The following CAP2 variants were observed in gnomAD, a reference collection of about 807,000 sequenced individuals.
The protein encoded by CAP2 is cyclase associated actin cytoskeleton regulatory protein 2.
Under a neutral mutation model 57.7 loss-of-function variants are expected in CAP2, and 24 were observed. The ratio of observed to expected loss-of-function variants is 0.42; its 90% confidence interval spans 0.30 to 0.58. The LOEUF (loss-of-function observed/expected upper bound fraction) is 0.58, where lower values mean the gene tolerates loss of function less well. CAP2 is among the 20% of genes least tolerant of loss of function. CAP2 has a pLI of 0.22. For missense variants in CAP2, 501 were observed against 590.3 expected, an observed-to-expected ratio of 0.85 and a Z score of 1.57; for synonymous variants, 194 against 207.2, an observed-to-expected ratio of 0.94 and a Z score of 0.55.
Position 17,556,526 on chromosome 6 carries a change from G to A in CAP2, c.*84G>A. ...CAGCAGTAAAGAGCTAGAAGTTGCA[G>A]TAGCCCCTACTGCTTTAGCTTTGGC... On this transcript the variant is annotated 3_prime_UTR_variant, in exon 13 of 13. Transcript: ENST00000229922. 1.0e-6 allele frequency: 1 copy of A among 954,896 alleles called. No individual in the cohort carries two copies. The allele number at this position is 954,896 out of a possible 1,614,324, so 59.2% of individuals were successfully genotyped here.
intron 7 of CAP2, among the ~76,000 whole-genome samples, chr6:17,533,449 A>G (rs896474876): frequency 3.3e-5 from 5 of 152,158 alleles, no homozygotes; most frequent in Non-Finnish European, 7.3e-5. Context: ...TCTGCTCTCA[A>G]AATTAATCTT....
intron 12 of CAP2, among the ~76,000 whole-genome samples, chr6:17,553,315 C>G (rs753389812): frequency 6.6e-6 from 1 of 152,132 alleles, no homozygotes; most frequent in Non-Finnish European, 1.5e-5. Context: ...GAGTGTAAAT[C>G]AAAACCTGAG....
intron 1 of CAP2, among the ~76,000 whole-genome samples, chr6:17,413,054 G>C (rs1759180478): frequency 6.6e-6 from 1 of 152,058 alleles, no homozygotes. Context: ...GTGGCATGTG[G>C]GTATCTCAGG....
At chr6:17,542,066 G>A (rs759454365) in intron 9 of CAP2, among the ~76,000 whole-genome samples, 1 of 152,064 alleles carries the variant, frequency 6.6e-6, no homozygotes, top group Non-Finnish European at 1.5e-5. Flanking sequence ...CCAAAAATCT[G>A]TACCCTTAAC....
chr6:17,515,345 A>T (rs1762252376), intron 7 of CAP2, among the ~76,000 whole-genome samples: 1 of 152,200 alleles, frequency 6.6e-6, no homozygotes. Flanking sequence ...TCCTAAGCTA[A>T]TTAACTCAGG....
chr6:17,436,091 TTCCTTCC>T (rs1561782694), intron 3 of CAP2, among the ~76,000 whole-genome samples: 11 of 137,516 alleles, frequency 8.0e-5, no homozygotes, highest in Non-Finnish European at 1.5e-4. Context: ...CTTTCTTTCC[TTCCTTCC>T]TTCCTTCCTT....
At chr6:17,404,352 TC>T (rs1191489102) in intron 1 of CAP2, among the ~76,000 whole-genome samples, 82 of 152,102 alleles carry the variant, frequency 5.4e-4, no homozygotes, top group Non-Finnish European at 1.1e-3. Flanking sequence ...ATGCCTGTAA[TC>T]CCAGCACTTT....
At chr6:17,505,479 G>A (rs913951073) in intron 4 of CAP2, among the ~76,000 whole-genome samples, 2 of 152,142 alleles carry the variant, frequency 1.3e-5, no homozygotes, top group African/African-American at 2.4e-5. Flanking sequence ...CCCCGGACCC[G>A]TTAAATCAGA....
At chr6:17,488,905 T>A (rs2113632341) in intron 4 of CAP2, among the ~76,000 whole-genome samples, 1 of 152,194 alleles carries the variant, frequency 6.6e-6, no homozygotes, top group Middle Eastern at 3.4e-3. Flanking sequence ...TTCTCTCAGT[T>A]AATAAGGGGC....
intron 11 of CAP2, among the ~76,000 whole-genome samples, chr6:17,544,032 G>A (rs1215180539): frequency 6.6e-6 from 1 of 151,406 alleles, no homozygotes; most frequent in Non-Finnish European, 1.5e-5. Context: ...GGCTGAGACA[G>A]GAGAATCACT....
intron 4 of CAP2, among the ~76,000 whole-genome samples, chr6:17,473,036 C>T (rs1761060722): frequency 1.4e-5 from 2 of 147,826 alleles, no homozygotes; most frequent in African/African-American, 5.3e-5. Flanking sequence ...CTCATGGTGA[C>T]CTTTTTTTTT....
intron 7 of CAP2, among the ~76,000 whole-genome samples, chr6:17,523,249 A>G (rs1204946871): frequency 6.6e-6 from 1 of 152,176 alleles, no homozygotes; most frequent in African/African-American, 2.4e-5. Flanking sequence ...AGGGACATAA[A>G]ATCTAACACA....
rs556192601 is a variant in CAP2, at chr6:17,406,095, C to G, written c.-2+12349C>G. Among the ~76,000 whole-genome samples, 5 of 152,202 alleles carry G rather than the reference C, an allele frequency of 3.3e-5. No homozygotes were observed. In the East Asian group the frequency reaches 9.7e-4, roughly 29 times the overall value. On this transcript the variant is annotated intron_variant, in intron 1 of 12. Transcript: ENST00000229922. ...GCAAAGCCTTTGGGACCGTCCCACA[C>G]ATACACAGTTCAGGGACTTGTGCTG...
intron 4 of CAP2, among the ~76,000 whole-genome samples, chr6:17,502,277 A>AC (rs1204313601): frequency 2.6e-5 from 4 of 151,840 alleles, no homozygotes; most frequent in South Asian, 2.1e-4. Context: ...CCTCTCATAG[A>AC]CCCCCCATTG....
At chr6:17,399,783 A>G (rs947242122) in intron 1 of CAP2, among the ~76,000 whole-genome samples, 13 of 152,340 alleles carry the variant, frequency 8.5e-5, no homozygotes, top group Non-Finnish European at 1.9e-4. Flanking sequence ...CTGATCTAAA[A>G]TCTCTTTTGT....
chr6:17,462,928 G>C, intron 3 of CAP2, 68 bp from the exon 4 acceptor site: 1 of 1,241,314 alleles, frequency 8.1e-7, no homozygotes, highest in Non-Finnish European at 1.2e-6. Context: ...GGGTGGAATT[G>C]CCAGATTATA....
intron 3 of CAP2, among the ~76,000 whole-genome samples, chr6:17,430,797 A>G (rs1201439055): frequency 6.6e-6 from 1 of 152,184 alleles, no homozygotes; most frequent in African/African-American, 2.4e-5. Flanking sequence ...TCAGCCTCCC[A>G]AAGTGCTGGG....
chr6:17,501,419 T>A (rs1430239787), intron 4 of CAP2, among the ~76,000 whole-genome samples: 1 of 152,206 alleles, frequency 6.6e-6, no homozygotes, highest in African/African-American at 2.4e-5. Flanking sequence ...TACGTCTGTA[T>A]TTTTCAGTGT....
At chr6:17,436,648 G>A (rs992377324) in intron 3 of CAP2, among the ~76,000 whole-genome samples, 1 of 152,000 alleles carries the variant, frequency 6.6e-6, no homozygotes, top group Non-Finnish European at 1.5e-5. Context: ...AAGAACCAGG[G>A]GAATAAAGGC....
Sources: allele counts gnomAD v4.1 joint callset (sites outside exome capture counted in the v4.1 genomes callset), GRCh38; gene constraint gnomAD v4.1.1; transcripts MANE v1.5; gene names NCBI Gene and HGNC (gene_info 2026-07-23, HGNC 2026-07-21).